ATG16L2: variants seen among roughly 807,000 people sequenced by gnomAD.
ATG16L2 encodes protein Atg16l2.
In ATG16L2, 77 loss-of-function variants were observed where a neutral mutation model predicts 84.7. The ratio of observed to expected loss-of-function variants is 0.91; its 90% CI spans 0.76 to 1.10. The LOEUF is 1.10. Ranked by LOEUF, ATG16L2 falls within the 50% of genes least tolerant of loss-of-function variation. The pLI, the probability that ATG16L2 is intolerant of heterozygous loss-of-function variation, is 0.00. For missense variants in ATG16L2, 782 were observed against 817.6 expected (o/e 0.96, Z 0.53); for synonymous variants, 361 against 342.8 (o/e 1.05, Z -0.59).
chr11:72,843,542 A>G (rs1861031356), exon 6 of ATG16L2: 1 of 1,607,820 alleles, frequency 6.2e-7, no homozygotes. Flanking sequence ...CCTGCAGTGT[A>G]GGATGGTCAT....
intron 14 of ATG16L2, among the ~76,000 whole-genome samples, chr11:72,828,070 T>C (rs1860469275): frequency 1.3e-5 from 2 of 152,246 alleles, no homozygotes; most frequent in South Asian, 4.1e-4. Flanking sequence ...TCTCATATTT[T>C]TTAAAGACGA....
rs1396371181 is a variant in ATG16L2 at position 72,822,588 on chromosome 11, C to G, written c.710+45C>G. 7 of 1,593,902 alleles carry G rather than the reference C, an allele frequency of 4.4e-6. No individual in the cohort carries two copies. The Admixed American group carries it at 5.4e-5, about 12-fold the overall frequency. On this transcript the variant is annotated intron_variant, in intron 6 of 17. Coordinates refer to ENST00000321297, the MANE Select transcript of ATG16L2 (RefSeq NM_033388.2). The surrounding 1 kb of genome is among the most constrained non-coding windows in gnomAD (Gnocchi z 4.2). ...GGTCCGACCCTTGCGTTCTGCCTCC[C>G]GCCCCGCCTGCCTGCGGCGACCCAG...
Position 72,828,990 on chromosome 11 carries a change from C to CATGG in ATG16L2, c.1772+7_1772+10dup. 6.2e-7 allele frequency: 1 copy of CATGG among 1,613,716 alleles called. No individual in the cohort carries two copies. The highest frequency in any genetic ancestry group is 8.5e-7 in the Non-Finnish European group (1 of 1,179,642). On this transcript the variant is annotated splice_region_variant and intron_variant, in intron 17 of 17. Transcript: ENST00000321297. ...AGACTACAGGGACCCCATTGGTGAG[C>CATGG]ATGGCCTCCACCTGGCCACCTGCCT...
At chr11:72,838,764 AG>A (rs1860810559) in intron 5 of ATG16L2, 1 of 1,564,366 alleles carries the variant, frequency 6.4e-7, no homozygotes, top group Non-Finnish European at 8.7e-7. Context: ...CCTTGATTGT[AG>A]CAGTAATGGA....
chr11:72,823,560 C>T (rs763431629), intron 7 of ATG16L2: 1 of 417,732 alleles, frequency 2.4e-6, no homozygotes, highest in Non-Finnish European at 4.7e-6. Context: ...CTTGCAGGTC[C>T]CTGGTGTCCA....
At chr11:72,838,755 CTTGA>C (rs1323705182) in intron 5 of ATG16L2, 1 of 1,546,286 alleles carries the variant, frequency 6.5e-7, no homozygotes, top group Non-Finnish European at 8.8e-7. Flanking sequence ...CAAGCCTGGC[CTTGA>C]TTGTAGCAGT....
chr11:72,819,563 C>G (rs1859862315), intron 3 of ATG16L2, among the ~76,000 whole-genome samples: 1 of 152,116 alleles, frequency 6.6e-6, no homozygotes, highest in African/African-American at 2.4e-5. Context: ...AAGCTCCTAG[C>G]CTGGCTCCCC....
chr11:72,823,295 G>T (rs972952782), intron 7 of ATG16L2: 6 of 334,050 alleles, frequency 1.8e-5, no homozygotes, highest in Non-Finnish European at 3.4e-5. Flanking sequence ...GCATGTGTGC[G>T]CAGCCATAGG....
chr11:72,823,168 C>T, intron 7 of ATG16L2: 1 of 518,992 alleles, frequency 1.9e-6, no homozygotes, highest in Non-Finnish European at 3.4e-6. Context: ...CCAACCCCTA[C>T]CCTCAACCCT....
intron 3 of ATG16L2, 153 bp from the exon 4 acceptor site, chr11:72,821,504 GCAGCGCGTCCC>G: frequency 7.0e-7 from 1 of 1,424,370 alleles, no homozygotes; most frequent in Non-Finnish European, 9.2e-7. Context: ...TCCACAAACA[GCAGCGCGTCCC>G]TGTGCAAGGT....
chr11:72,826,577 G>T lies in ATG16L2; in HGVS notation c.1233G>T (p.Glu411Asp). ...NQAAQLWKVG[E>D]AQSKETLSGH... ...CTGCCCAGCTCTGGAAGGTGGGGGA[G>T]GCACAGTCCAAGGTGAGGCCTGACT... The change falls in exon 12 of 18, where the codon GAG (glutamate) becomes GAT (aspartate). Residue 411 changes from glutamate to aspartate, a missense_variant. Transcript: ENST00000321297. 1 of 1,614,188 alleles carries T rather than the reference G, an allele frequency of 6.2e-7. No homozygotes were observed. Among genetic ancestry groups the T allele is most frequent in the Non-Finnish European group, 8.5e-7 (1 of 1,180,018 alleles).
intron 5 of ATG16L2, chr11:72,841,609 C>T: frequency 6.4e-7 from 1 of 1,568,924 alleles, no homozygotes. Context: ...GCGAGGTTAC[C>T]CGGTGCTCCC....
At chr11:72,824,522 T>TCTGTGTG in intron 8 of ATG16L2, 1 of 592,282 alleles carries the variant, frequency 1.7e-6, no homozygotes. Flanking sequence ...CCTACCCTGC[T>TCTGTGTG]CCTGTGTCTG....
At position 72,822,372 on chromosome 11, in the gene ATG16L2, G is replaced by A. The variant is rs1004238777; in HGVS notation, c.644+77G>A. The A allele has an allele frequency of 3.8e-6, 6 of 1,575,778 alleles. No individual in the cohort carries two copies. In the African/African-American group the frequency reaches 5.4e-5, roughly 14 times the overall value. On this transcript the variant is annotated intron_variant, in intron 5 of 17. Transcript: ENST00000321297. This position sits in a 1 kb window ranked among gnomAD's most constrained non-coding sequence, Gnocchi z 4.2. ...AGGAGTCGGGCCTCGCCGGTGTCTG[G>A]AAGGGAGGGGGGCAGCAGCCGCCCC... is the stretch of plus-strand genomic sequence containing the variant.
At chr11:72,828,303 T>A (rs2135124045) in intron 14 of ATG16L2, 56 bp from the exon 15 acceptor site, 1 of 1,598,964 alleles carries the variant, frequency 6.3e-7, no homozygotes, top group Non-Finnish European at 8.6e-7. Context: ...CCCCTTCCTG[T>A]CAGGAGTGGC....
chr11:72,823,302 T>C (rs1860124213), intron 7 of ATG16L2: 1 of 332,518 alleles, frequency 3.0e-6, no homozygotes, highest in South Asian at 2.8e-5. Flanking sequence ...TGCGCAGCCA[T>C]AGGTGTGCAA....
chr11:72,830,304 T>A (rs527468428), downstream of ATG16L2, among the ~76,000 whole-genome samples: 3 of 152,266 alleles, frequency 2.0e-5, no homozygotes, highest in African/African-American at 7.2e-5. Context: ...TCACTACTTT[T>A]GGTCTAGCTG....
Position 72,822,233 on chromosome 11 carries a change from G to A in ATG16L2, c.582G>A (p.Arg194=). 1 of 1,499,326 alleles carries A rather than the reference G, an allele frequency of 6.7e-7. No homozygotes were observed. The highest frequency in any genetic ancestry group is 1.3e-5 in the South Asian group (1 of 79,716). The allele number at this position is 1,499,326 out of a possible 1,614,324, so 92.9% of individuals were successfully genotyped here. A position where few individuals can be genotyped will look rare whatever the true frequency, so the allele number is the denominator to read the frequency against. Residue 194 remains arginine (R), a synonymous_variant, in exon 5 of 18, where the codon AGG becomes AGA. Transcript: ENST00000321297. The surrounding 1 kb of genome is among the most constrained non-coding windows in gnomAD (Gnocchi z 4.2). ...LQEEARDLLE[R]LVQRKARAAA... ...AAGAGGCGCGCGACCTGCTGGAGAG[G>A]CTCGTGCAGCGCAAGGCGCGCGCCG...
chr11:72,821,165 T>C (rs970955556), intron 3 of ATG16L2: 12 of 967,466 alleles, frequency 1.2e-5, no homozygotes, highest in Non-Finnish European at 1.5e-5. Context: ...GGCAAGACAC[T>C]TAAACCTCTC....
Sources: gnomAD v4.1 joint callset for allele counts (sites outside exome capture counted in the v4.1 genomes callset) on GRCh38, gnomAD v4.1.1 for gene constraint, Gnocchi (gnomAD v3.1) non-coding constraint, MANE v1.5 for transcripts, NCBI Gene and HGNC (gene_info 2026-07-23, HGNC 2026-07-21) for gene names.